NNT: variants seen among roughly 807,000 people sequenced by gnomAD.
The protein encoded by NNT is nicotinamide nucleotide transhydrogenase.
In NNT, 50 loss-of-function variants were observed where a neutral mutation model predicts 104.8. That is an observed-to-expected ratio of 0.48 (90% CI 0.38 to 0.60). The LOEUF is 0.60. NNT is among the 20% of genes least tolerant of loss of function. The pLI is 0.00. For synonymous variants in NNT, 461 were observed against 490.4 expected (o/e 0.94, Z 0.79); for missense variants, 1,131 against 1,330.7 (o/e 0.85, Z 2.33).
chr5:43,683,119 T>C (rs1370555079), intron 19 of NNT, among the ~76,000 whole-genome samples: 1 of 152,224 alleles, frequency 6.6e-6, no homozygotes, highest in Non-Finnish European at 1.5e-5. Flanking sequence ...GCACTTTGCA[T>C]TGGGGCTGCC....
intron 19 of NNT, among the ~76,000 whole-genome samples, chr5:43,686,134 A>G (rs1734499112): frequency 6.6e-6 from 1 of 152,014 alleles, no homozygotes; most frequent in Non-Finnish European, 1.5e-5. Context: ...GCCTGGGTCT[A>G]TTCTTAATTG....
At chr5:43,662,376 T>C (rs1198694549) in intron 17 of NNT, among the ~76,000 whole-genome samples, 2 of 152,190 alleles carry the variant, frequency 1.3e-5, no homozygotes, top group African/African-American at 2.4e-5. Context: ...TTATTTTTCT[T>C]ACTCTTTTAT....
chr5:43,604,607 G>A (rs1749108348), intron 1 of NNT, among the ~76,000 whole-genome samples: 2 of 152,184 alleles, frequency 1.3e-5, no homozygotes, highest in Admixed American at 6.5e-5. Context: ...CTGGGGGAGA[G>A]TAATACCAAA....
At chr5:43,609,484 A>G (rs1749394683) in intron 2 of NNT, 138 bp downstream of exon 2, 1 of 756,042 alleles carries the variant, frequency 1.3e-6, no homozygotes, top group East Asian at 2.7e-5. Flanking sequence ...AACAACAAGT[A>G]AGTGCTATCT....
chr5:43,690,510 G>A (rs553545482), intron 19 of NNT, among the ~76,000 whole-genome samples: 17 of 152,230 alleles, frequency 1.1e-4, no homozygotes, highest in Admixed American at 9.8e-4. Flanking sequence ...AACATTTTTG[G>A]TGTCCAATAT....
At chr5:43,665,461 A>G (rs546636246) in intron 17 of NNT, among the ~76,000 whole-genome samples, 3 of 152,026 alleles carry the variant, frequency 2.0e-5, no homozygotes, top group Non-Finnish European at 2.9e-5. Context: ...GCCTTCAAGC[A>G]TCTGTTTAAC....
chr5:43,666,114 C>T (rs1054369098), intron 17 of NNT, among the ~76,000 whole-genome samples: 7 of 149,846 alleles, frequency 4.7e-5, no homozygotes, highest in African/African-American at 9.9e-5. Context: ...CCGGACTGGG[C>T]GGCCGGGCAG....
chr5:43,609,978 T>G (rs566947824), intron 2 of NNT, among the ~76,000 whole-genome samples: 1 of 152,206 alleles, frequency 6.6e-6, no homozygotes, highest in African/African-American at 2.4e-5. Flanking sequence ...CAGTCTGTTC[T>G]GCACAGGACA....
At chr5:43,692,830 C>A in intron 19 of NNT, among the ~76,000 whole-genome samples, 1 of 152,182 alleles carries the variant, frequency 6.6e-6, no homozygotes, top group East Asian at 1.9e-4. Context: ...TAATCTCTTA[C>A]TATCCTTTCC....
intron 1 of NNT, among the ~76,000 whole-genome samples, chr5:43,604,915 C>G (rs542322674): frequency 6.6e-6 from 1 of 152,204 alleles, no homozygotes; most frequent in East Asian, 1.9e-4. Context: ...TCAAGCAGTC[C>G]TCCCCACTAG....
chr5:43,624,280 G>A (rs1750249823), intron 6 of NNT, among the ~76,000 whole-genome samples, 160 bp downstream of exon 6: 1 of 152,202 alleles, frequency 6.6e-6, no homozygotes, highest in South Asian at 2.1e-4. Flanking sequence ...TTAATGCAAA[G>A]TGAAAATGTA....
At chr5:43,661,384 G>T (rs1471837773) in intron 17 of NNT, among the ~76,000 whole-genome samples, 2 of 148,516 alleles carry the variant, frequency 1.3e-5, no homozygotes, top group Non-Finnish European at 3.0e-5. Flanking sequence ...TTGTCAGAAA[G>T]TGGCTTTTAT....
In NNT at chr5:43,704,872, C is replaced by A; in HGVS notation, c.*468C>A. ...GTGACTAATTTGAAACTTTTATGAA[C>A]TTCTGAGCTGTCCCCTTGCAATTCA... On this transcript the variant is annotated 3_prime_UTR_variant, in exon 22 of 22. Transcript: ENST00000344920. 1 of 155,042 alleles carries A rather than the reference C, an allele frequency of 6.4e-6. No individual in the cohort carries two copies. The highest frequency in any genetic ancestry group is 6.3e-5 in the Admixed American group (1 of 15,840). The allele number at this position is 155,042 out of a possible 1,614,324, so 9.6% of individuals were successfully genotyped here. A position where few individuals can be genotyped will look rare whatever the true frequency, so the allele number is the denominator to read the frequency against.
intron 7 of NNT, among the ~76,000 whole-genome samples, chr5:43,640,864 A>G (rs1751197337): frequency 6.6e-6 from 1 of 150,954 alleles, no homozygotes; most frequent in Non-Finnish European, 1.5e-5. Context: ...CATCATATAT[A>G]TCTATATTTT....
At chr5:43,624,765 G>A (rs560720722) in intron 6 of NNT, among the ~76,000 whole-genome samples, 2 of 152,224 alleles carry the variant, frequency 1.3e-5, no homozygotes, top group South Asian at 4.1e-4. Context: ...CTAGACACTG[G>A]ATTTTATTAA....
intron 7 of NNT, among the ~76,000 whole-genome samples, chr5:43,631,201 A>G (rs1159287874): frequency 1.3e-5 from 2 of 152,166 alleles, no homozygotes; most frequent in Non-Finnish European, 2.9e-5. Context: ...GGCTCAGGCA[A>G]TGGGAGCATC....
Position 43,666,786 on chromosome 5 carries a change from G to A in NNT, c.2634+7436G>A, listed in dbSNP as rs141686774. Reference sequence around the variant, plus strand: ...ATATCTACTCTGAAGGCTTTGTAGGGGCCTCGGTACCTTTGGGAGCCTGAG... The same window carrying A: ...ATATCTACTCTGAAGGCTTTGTAGGAGCCTCGGTACCTTTGGGAGCCTGAG... On this transcript the variant is annotated intron_variant, in intron 17 of 21. Transcript: ENST00000344920. The A allele has an allele frequency of 3.0e-3, 3,929 of 1,300,676 alleles. 20 individuals carry two copies. The highest frequency in any genetic ancestry group is 9.4e-3 in the South Asian group (722 of 76,664). 80.6% of individuals were successfully genotyped at this position (1,300,676 alleles called of 1,614,324 possible).
At chr5:43,671,561 A>G (rs1264140775) in intron 17 of NNT, among the ~76,000 whole-genome samples, 1 of 152,204 alleles carries the variant, frequency 6.6e-6, no homozygotes, top group African/African-American at 2.4e-5. Flanking sequence ...TTGGCTGGAT[A>G]TGAAATTCTG....
rs1281860091 is a variant in NNT at position 43,705,119 on chromosome 5, A to G, written c.*715A>G. 1 of 152,148 alleles carries G rather than the reference A, an allele frequency of 6.6e-6. No homozygotes were observed. The highest frequency in any genetic ancestry group is 1.5e-5 in the Non-Finnish European group (1 of 68,012). 9.4% of individuals were successfully genotyped at this position (152,148 alleles called of 1,614,324 possible). On this transcript the variant is annotated 3_prime_UTR_variant, in exon 22 of 22. Coordinates refer to ENST00000344920, the MANE Select transcript of NNT (RefSeq NM_182977.3). ...TAGTAATAGTATTTTTGAAGATCCCATTTCTAATTGGAGATCTCTTTAATT... is the reference window on the plus strand; with the variant it reads ...TAGTAATAGTATTTTTGAAGATCCCGTTTCTAATTGGAGATCTCTTTAATT...
Sources: gnomAD v4.1 joint callset for allele counts (sites outside exome capture counted in the v4.1 genomes callset) on GRCh38, gnomAD v4.1.1 for gene constraint, MANE v1.5 for transcripts, NCBI Gene and HGNC (gene_info 2026-07-23, HGNC 2026-07-21) for gene names.